GRB10: variants seen among roughly 807,000 people sequenced by gnomAD.
GRB10 encodes growth factor receptor-bound protein 10.
Under a neutral mutation model 80.9 loss-of-function variants are expected in GRB10, and 20 were observed. The ratio of observed to expected loss-of-function variants is 0.25; its 90% confidence interval spans 0.17 to 0.36. The LOEUF is 0.36. GRB10 is among the 10% of genes least tolerant of loss of function. The pLI, the probability that GRB10 is intolerant of heterozygous loss-of-function variation, is 1.00. For synonymous variants in GRB10, 291 were observed against 291.5 expected, an observed-to-expected ratio of 1.00 and a Z score of 0.02; for missense variants, 548 against 747.7, an observed-to-expected ratio of 0.73 and a Z score of 3.12.
chr7:50,708,481 C>T (rs1338975190), intron 4 of GRB10, among the ~76,000 whole-genome samples: 3 of 152,192 alleles, frequency 2.0e-5, no homozygotes, highest in African/African-American at 4.8e-5. Context: ...AATGTCTACC[C>T]ACCATTCAGA....
intron 6 of GRB10, among the ~76,000 whole-genome samples, chr7:50,670,543 T>A (rs947839960): frequency 1.4e-5 from 2 of 138,358 alleles, no homozygotes; most frequent in African/African-American, 5.2e-5. Context: ...GGGGGCGGGG[T>A]GCCGAAGTTT....
At chr7:50,685,952 G>A (rs1263661406) in intron 5 of GRB10, among the ~76,000 whole-genome samples, 1 of 152,178 alleles carries the variant, frequency 6.6e-6, no homozygotes, top group Non-Finnish European at 1.5e-5. Flanking sequence ...ATCTAGAGCT[G>A]TAACCCTCAA....
chr7:50,590,284 C>G lies in GRB10; in HGVS notation c.*2668G>C, dbSNP rs964390534. 2 of 152,280 alleles carry G rather than the reference C, an allele frequency of 1.3e-5. No individual in the cohort carries two copies. The highest frequency in any genetic ancestry group is 4.8e-5 in the African/African-American group (2 of 41,478). 9.4% of individuals were successfully genotyped at this position (152,280 alleles called of 1,614,324 possible). A position where few individuals can be genotyped will look rare whatever the true frequency, so the allele number is the denominator to read the frequency against. ...TACACGCCAGGCCAATTTACAGTCA[C>G]TGCAGTTTGCACTGTGACATCACAA... On this transcript the variant is annotated 3_prime_UTR_variant, in exon 19 of 19. Transcript: ENST00000401949.
At chr7:50,723,287 A>G (rs1482239662) in intron 4 of GRB10, among the ~76,000 whole-genome samples, 1 of 152,184 alleles carries the variant, frequency 6.6e-6, no homozygotes. Flanking sequence ...AGAGTCATTA[A>G]ACAACAGGTA....
rs1320602963 is a variant in GRB10 at position 50,792,577 on chromosome 7, C to T, written c.-294+647G>A. The T allele has an allele frequency of 1.8e-5, 7 of 398,112 alleles. No homozygotes were observed. In the East Asian group the frequency reaches 1.8e-4, roughly 10 times the overall value. 24.7% of individuals were successfully genotyped at this position (398,112 alleles called of 1,614,324 possible). A position where few individuals can be genotyped will look rare whatever the true frequency, so the allele number is the denominator to read the frequency against. On this transcript the variant is annotated intron_variant, in intron 1 of 16. Coordinates refer to the GRB10 transcript ENST00000335866. Reference sequence around the variant, plus strand: ...GCTCTTATCACATTTCCACGGCTGGCGGGCGGCTAATCCGCGAGCCCTCAA... The same window carrying T: ...GCTCTTATCACATTTCCACGGCTGGTGGGCGGCTAATCCGCGAGCCCTCAA...
chr7:50,730,864 C>G lies in GRB10; in HGVS notation c.51+1408G>C, dbSNP rs193021627. The stretch of plus-strand genomic sequence containing the variant: ...ATTCTATACCCAGCCGAGGACAGCA[C>G]TACGAAAATGACCTCAAGAGAGACT... On this transcript the variant is annotated intron_variant, in intron 4 of 18. Transcript: ENST00000401949. 2.4e-3 allele frequency among the ~76,000 whole-genome samples: 365 copies of G among 152,314 alleles called. 1 individual carries two copies. Among genetic ancestry groups the G allele is most frequent in the African/African-American group, 7.2e-3 (301 of 41,556 alleles).
chr7:50,773,727 C>T (rs1253040170), intron 2 of GRB10, among the ~76,000 whole-genome samples: 1 of 152,112 alleles, frequency 6.6e-6, no homozygotes, highest in East Asian at 1.9e-4. Flanking sequence ...AGCAAGTACT[C>T]AAAGATAGTT....
intron 2 of GRB10, among the ~76,000 whole-genome samples, chr7:50,775,446 A>T (rs1392184652): frequency 6.6e-6 from 1 of 152,114 alleles, no homozygotes; most frequent in Non-Finnish European, 1.5e-5. Flanking sequence ...GCAGTTGGGT[A>T]CCTGCAGCTC....
intron 4 of GRB10, among the ~76,000 whole-genome samples, chr7:50,712,450 T>C (rs894400288): frequency 6.6e-6 from 1 of 152,226 alleles, no homozygotes; most frequent in East Asian, 1.9e-4. Context: ...TTACTTACAA[T>C]TGTATTCACA....
rs766963067 is a variant in GRB10 at position 50,614,821 on chromosome 7, G to C, written c.1044C>G (p.Ile348Met). ...GGGCGTTGTACTGCTTCCTGCCAGC[G>C]ATCAGGGAGAAGATGTTGCTGTCCT... ...DLEDSNIFSL[I>M]AGRKQYNAPT... Residue 348 changes from isoleucine to methionine, a missense_variant, in exon 12 of 19, where the codon ATC becomes ATG. This residue lies in a region of GRB10 where 270 missense variants were observed against 433.6 expected (regional missense o/e 0.62). Transcript: ENST00000401949. 2 of 1,613,874 alleles carry C rather than the reference G, an allele frequency of 1.2e-6. No individual in the cohort carries two copies. Among genetic ancestry groups the C allele is most frequent in the African/African-American group, 2.7e-5 (2 of 74,880 alleles).
chr7:50,657,683 T>C (rs1466565595), intron 7 of GRB10, among the ~76,000 whole-genome samples: 1 of 152,196 alleles, frequency 6.6e-6, no homozygotes, highest in Non-Finnish European at 1.5e-5. Context: ...GTCATTAGCA[T>C]TTGGTTCTCT....
chr7:50,745,259 G>T (rs1290236653), intron 3 of GRB10, among the ~76,000 whole-genome samples: 1 of 151,806 alleles, frequency 6.6e-6, no homozygotes, highest in Admixed American at 6.6e-5. Context: ...TTTAAAATTG[G>T]GTTCCTTTTA....
chr7:50,770,493 G>A (rs1431355307), intron 2 of GRB10, among the ~76,000 whole-genome samples: 1 of 152,198 alleles, frequency 6.6e-6, no homozygotes, highest in Non-Finnish European at 1.5e-5. Context: ...TCCACCTGTG[G>A]TAGCCTCTCA....
chr7:50,788,588 G>T (rs2078790577), intron 1 of GRB10, among the ~76,000 whole-genome samples: 1 of 152,140 alleles, frequency 6.6e-6, no homozygotes, highest in African/African-American at 2.4e-5. Context: ...ACACAATGAT[G>T]AGGACCAACA....
At chr7:50,705,160 G>A in intron 4 of GRB10, 3 of 985,678 alleles carry the variant, frequency 3.0e-6, no homozygotes, top group Non-Finnish European at 3.6e-6. Flanking sequence ...ACAGGTTTAG[G>A]TCTGGTCAAC....
chr7:50,738,291 A>G (rs1008373057), intron 3 of GRB10, among the ~76,000 whole-genome samples: 3 of 152,232 alleles, frequency 2.0e-5, no homozygotes, highest in African/African-American at 4.8e-5. Flanking sequence ...AGCATATAAT[A>G]CAAACTAATC....
rs190733649 is a variant in GRB10 at position 50,749,720 on chromosome 7, C to T, written c.-47+6167G>A. 1.9e-3 allele frequency among the ~76,000 whole-genome samples: 290 copies of T among 152,298 alleles called. 1 individual carries two copies. The highest frequency in any genetic ancestry group is 6.8e-3 in the African/African-American group (281 of 41,562). On this transcript the variant is annotated intron_variant, in intron 3 of 18. Transcript: ENST00000401949. ...ATGCACACTCTGGACCCCCAGTCAT[C>T]AACTCGTTGGTCTATGAAGTAATCC...
At chr7:50,691,170 C>T (rs1471963826) in intron 5 of GRB10, among the ~76,000 whole-genome samples, 1 of 152,198 alleles carries the variant, frequency 6.6e-6, no homozygotes, top group African/African-American at 2.4e-5. Context: ...CTACTGCTTT[C>T]AAGGCCAAGG....
chr7:50,674,106 A>C (rs553167526), intron 6 of GRB10, among the ~76,000 whole-genome samples: 2 of 152,192 alleles, frequency 1.3e-5, no homozygotes, highest in Non-Finnish European at 2.9e-5. Context: ...TGGGGCATGC[A>C]ATCAGCTCCA....
Sources: gnomAD v4.1 joint callset for allele counts (sites outside exome capture counted in the v4.1 genomes callset) on GRCh38, gnomAD v4.1.1 for gene constraint, gnomAD v4.1.1 regional missense constraint, MANE v1.5 for transcripts, NCBI Gene and HGNC (gene_info 2026-07-23, HGNC 2026-07-21) for gene names.